TACC1: variants seen among roughly 807,000 people sequenced by gnomAD.
The protein encoded by TACC1 is transforming acidic coiled-coil-containing protein 1.
A neutral mutation model predicts 84.4 loss-of-function variants in TACC1; 48 were observed. That is an observed-to-expected ratio of 0.57 (90% CI 0.45 to 0.72). TACC1 has a LOEUF of 0.72. Among genes scored for constraint, TACC1 ranks in the 30% least tolerant of loss-of-function variants. The pLI, the probability that TACC1 is intolerant of heterozygous loss-of-function variation, is 0.00. For missense variants in TACC1, 920 were observed against 973.0 expected (o/e 0.95, Z 0.72); for synonymous variants, 372 against 376.3 (o/e 0.99, Z 0.13).
chr8:38,844,346 G>A (rs951264234), intron 11 of TACC1, among the ~76,000 whole-genome samples: 2 of 151,828 alleles, frequency 1.3e-5, no homozygotes, highest in Admixed American at 6.6e-5. Flanking sequence ...CTAATTTTTT[G>A]TATTTTTAGT....
At chr8:38,799,039 A>G (rs1398191280) in intron 2 of TACC1, among the ~76,000 whole-genome samples, 1 of 152,246 alleles carries the variant, frequency 6.6e-6, no homozygotes, top group Non-Finnish European at 1.5e-5. Flanking sequence ...TAATGCTAAT[A>G]TACATCTGAT....
At chr8:38,775,687 C>G (rs552710177) in intron 3 of TACC1, among the ~76,000 whole-genome samples, 157 of 152,218 alleles carry the variant, frequency 1.0e-3, no homozygotes, top group African/African-American at 3.6e-3. Flanking sequence ...TAGGTTTTAA[C>G]CTATGAATTT....
At position 38,831,168 on chromosome 8, in the gene TACC1, C is replaced by G. The variant is rs1829150928; in HGVS notation, c.1704C>G (p.Ser568=). ...GCCAGAAGATGGAAGAAGACGGGTC[C>G]ACTGTGCTTGTAAGTTCCTGAATGT... ...ETCQKMEEDG[S]TVLGLLESSA... The change falls in exon 6 of 13, where the codon TCC becomes TCG. Residue 568 remains serine, a synonymous_variant. Transcript: ENST00000317827. 6.2e-7 allele frequency: 1 copy of G among 1,614,160 alleles called. No individual in the cohort carries two copies. The highest frequency in any genetic ancestry group is 1.3e-5 in the African/African-American group (1 of 75,044).
chr8:38,790,775 T>C (rs1004451494), intron 2 of TACC1, among the ~76,000 whole-genome samples: 9 of 152,250 alleles, frequency 5.9e-5, no homozygotes, highest in Admixed American at 2.0e-4. Flanking sequence ...AGCTCCATGC[T>C]GTGCTTACCC....
chr8:38,749,644 T>G (rs1486001720), intron 3 of TACC1, among the ~76,000 whole-genome samples: 1 of 152,074 alleles, frequency 6.6e-6, no homozygotes, highest in Non-Finnish European at 1.5e-5. Context: ...CAGGCTGGAG[T>G]GCAGTGGTGT....
intron 2 of TACC1, among the ~76,000 whole-genome samples, chr8:38,799,061 T>G (rs1820705394): frequency 6.6e-6 from 1 of 152,230 alleles, no homozygotes; most frequent in Non-Finnish European, 1.5e-5. Flanking sequence ...AACAGTCTCC[T>G]CAGGGCAGAC....
Position 38,787,636 on chromosome 8 carries a change from G to C in TACC1, c.54G>C (p.Thr18=). The part of the protein sequence containing the change: ...ILSPVQWAKW[T]WSAVRGGAAG... ...CCCCCGTGCAGTGGGCGAAATGGAC[G>C]TGGTCTGCGGTACGCGGCGGGGCCG... The change falls in exon 1 of 13, where the codon ACG becomes ACC. Residue 18 remains threonine (T), a synonymous_variant. Coordinates refer to ENST00000317827, the MANE Select transcript of TACC1 (RefSeq NM_006283.3). The C allele has an allele frequency of 6.5e-7, 1 of 1,549,126 alleles. No individual in the cohort carries two copies. The highest frequency in any genetic ancestry group is 8.7e-7 in the Non-Finnish European group (1 of 1,146,856).
intron 9 of TACC1, among the ~76,000 whole-genome samples, chr8:38,841,571 A>G (rs1831278167): frequency 6.6e-6 from 1 of 152,188 alleles, no homozygotes; most frequent in African/African-American, 2.4e-5. Context: ...GATTACAAAT[A>G]AATTTTAGCA....
chr8:38,768,100 G>A (rs1812616040), intron 3 of TACC1, among the ~76,000 whole-genome samples: 1 of 144,852 alleles, frequency 6.9e-6, no homozygotes, highest in Admixed American at 6.8e-5. Flanking sequence ...AGGAAGGAAG[G>A]AAGGAAGGAA....
At chr8:38,805,030 A>G (rs2152094683) in intron 2 of TACC1, among the ~76,000 whole-genome samples, 1 of 152,374 alleles carries the variant, frequency 6.6e-6, no homozygotes, top group South Asian at 2.1e-4. Flanking sequence ...CTTGAGAGAT[A>G]GCAGAACATA....
chr8:38,794,661 T>G (rs956564236), intron 2 of TACC1, among the ~76,000 whole-genome samples: 11 of 152,184 alleles, frequency 7.2e-5, no homozygotes, highest in African/African-American at 2.7e-4. Context: ...GAGTTATATG[T>G]TTAATCAGAT....
Position 38,850,090 on chromosome 8 carries a change from T to A in TACC1, c.*2067T>A, listed in dbSNP as rs1588194223. The stretch of plus-strand genomic sequence containing the variant: ...TCCATAGTCATCTTTTTAAGCTTAT[T>A]GTGTTTAAGAAAGTAGCTATGTGTT... On this transcript the variant is annotated 3_prime_UTR_variant, in exon 13 of 13. Coordinates refer to ENST00000317827, the MANE Select transcript of TACC1 (RefSeq NM_006283.3). 1.3e-5 allele frequency: 2 copies of A among 152,776 alleles called. No homozygotes were observed. Among genetic ancestry groups the A allele is most frequent in the East Asian group, 3.9e-4 (2 of 5,186 alleles). The allele number at this position is 152,776 out of a possible 1,614,324, so 9.5% of individuals were successfully genotyped here. A position where few individuals can be genotyped will look rare whatever the true frequency, so the allele number is the denominator to read the frequency against.
chr8:38,822,852 C>T (rs188866689), intron 3 of TACC1, among the ~76,000 whole-genome samples: 108 of 152,294 alleles, frequency 7.1e-4, no homozygotes, highest in Admixed American at 9.8e-4. Context: ...TCCATTATAA[C>T]CCTACGGGAC....
chr8:38,840,289 T>C, intron 9 of TACC1, 22 bp downstream of exon 9: 1 of 1,607,794 alleles, frequency 6.2e-7, no homozygotes, highest in Non-Finnish European at 8.5e-7. Flanking sequence ...ATTTTGTTTT[T>C]TGAGGGTATG....
chr8:38,825,406 A>C (rs1378999019), intron 4 of TACC1, 38 bp downstream of exon 4: 3 of 1,612,002 alleles, frequency 1.9e-6, no homozygotes, highest in Non-Finnish European at 1.7e-6. Context: ...CTCTGAGACC[A>C]GGGGTCCTCC....
At chr8:38,790,358 C>T (rs984507684) in intron 2 of TACC1, among the ~76,000 whole-genome samples, 3 of 152,200 alleles carry the variant, frequency 2.0e-5, no homozygotes, top group Non-Finnish European at 4.4e-5. Flanking sequence ...TTCATAGGTA[C>T]TAGGAGTTGG....
chr8:38,783,094 CTATCTATCTATCTATATATA>C (rs1587627640), upstream of TACC1, among the ~76,000 whole-genome samples: 4 of 116,828 alleles, frequency 3.4e-5, no homozygotes, highest in African/African-American at 1.3e-4. Context: ...ATCTATCTAT[CTATCTATCTATCTATATATA>C]TATATATATA....
At chr8:38,762,730 T>C (rs1380800396) in intron 3 of TACC1, among the ~76,000 whole-genome samples, 1 of 152,132 alleles carries the variant, frequency 6.6e-6, no homozygotes, top group Non-Finnish European at 1.5e-5. Context: ...CTAAATTTTT[T>C]ATTTTTAGCA....
At chr8:38,771,233 T>G (rs114798517) in intron 3 of TACC1, among the ~76,000 whole-genome samples, 1 of 151,950 alleles carries the variant, frequency 6.6e-6, no homozygotes, top group African/African-American at 2.4e-5. Context: ...AACCCTGGAG[T>G]TGGAGTTGGG....
Sources: gnomAD v4.1 joint callset for allele counts (sites outside exome capture counted in the v4.1 genomes callset) on GRCh38, gnomAD v4.1.1 for gene constraint, MANE v1.5 for transcripts, NCBI Gene and HGNC (gene_info 2026-07-23, HGNC 2026-07-21) for gene names.